The following DLGAP2 variants were observed in gnomAD, a reference collection of about 807,000 sequenced individuals.
DLGAP2 encodes the protein DLG associated protein 2.
Under a neutral mutation model 100.3 loss-of-function variants are expected in DLGAP2, and 26 were observed. The observed-to-expected ratio is 0.26, with a 90% CI of 0.19 to 0.36. The LOEUF (loss-of-function observed/expected upper bound fraction) is 0.36. Among genes scored for constraint, DLGAP2 ranks in the 10% least tolerant of loss-of-function variants. DLGAP2 has a pLI of 1.00. For synonymous variants in DLGAP2, 886 were observed against 630.1 expected (o/e 1.41, Z -6.08); for missense variants, 1,858 against 1,453.2 (o/e 1.28, Z -4.53).
intron 1 of DLGAP2, among the ~76,000 whole-genome samples, chr8:793,979 C>G (rs1238605580): frequency 6.6e-6 from 1 of 152,128 alleles, no homozygotes; most frequent in Non-Finnish European, 1.5e-5. Flanking sequence ...GTCTTTGTCT[C>G]TGAAATCCTT....
At chr8:1,647,343 G>C (rs967077779) in intron 8 of DLGAP2, among the ~76,000 whole-genome samples, 5 of 151,676 alleles carry the variant, frequency 3.3e-5, no homozygotes, top group African/African-American at 9.7e-5. Context: ...CAAAAAATTA[G>C]CCAGGCGTCG....
intron 1 of DLGAP2, among the ~76,000 whole-genome samples, chr8:868,354 C>G (rs184492250): frequency 7.2e-5 from 11 of 152,126 alleles, no homozygotes; most frequent in Non-Finnish European, 1.6e-4. Flanking sequence ...CATGTACTTA[C>G]AAGGTCACCT....
chr8:1,386,363 C>G lies in DLGAP2; in HGVS notation c.107-115003C>G, dbSNP rs75245731. On this transcript the variant is annotated intron_variant, in intron 3 of 14. Coordinates refer to ENST00000637795, the MANE Select transcript of DLGAP2 (RefSeq NM_001346810.2). ...AACATAGGCCGACACCCCTGGAAAA[C>G]TCCCATACACCAGCATTGCCAGGGG... Among the ~76,000 whole-genome samples, 603 of 152,348 alleles carry G rather than the reference C, an allele frequency of 4.0e-3. 11 individuals carry two copies. The East Asian group carries it at 0.051, about 13-fold the overall frequency.
At chr8:1,303,154 T>G (rs1209504874) in intron 3 of DLGAP2, among the ~76,000 whole-genome samples, 1 of 151,944 alleles carries the variant, frequency 6.6e-6, no homozygotes, top group South Asian at 2.1e-4. Flanking sequence ...TCCCAGCACT[T>G]TGGAAGGCCG....
chr8:1,417,692 G>GGGGCACGGGGA (rs1554464154), intron 3 of DLGAP2, among the ~76,000 whole-genome samples: 1,152 of 69,158 alleles, frequency 0.017, 87 homozygotes, highest in Admixed American at 0.026. Context: ...GGGGCACAGG[G>GGGGCACGGGGA]GGCCCCACTC....
intron 8 of DLGAP2, among the ~76,000 whole-genome samples, chr8:1,665,996 A>G (rs527657151): frequency 6.6e-6 from 1 of 152,348 alleles, no homozygotes; most frequent in South Asian, 2.1e-4. Flanking sequence ...GAAAGGCGTC[A>G]TCAGAAGCAA....
At chr8:1,216,614 G>A (rs1798219299) in intron 2 of DLGAP2, among the ~76,000 whole-genome samples, 3 of 151,976 alleles carry the variant, frequency 2.0e-5, no homozygotes, top group African/African-American at 7.2e-5. Flanking sequence ...GAGATTACAG[G>A]CATGAGCTAC....
intron 2 of DLGAP2, among the ~76,000 whole-genome samples, chr8:951,831 A>G (rs533606710): frequency 4.7e-4 from 72 of 152,314 alleles, no homozygotes; most frequent in African/African-American, 1.5e-3. Context: ...TCTCAAATCC[A>G]TGTTTATCTT....
intron 8 of DLGAP2, among the ~76,000 whole-genome samples, chr8:1,641,396 G>C (rs1797894919): frequency 6.6e-6 from 1 of 152,096 alleles, no homozygotes; most frequent in African/African-American, 2.4e-5. Context: ...AAATCCTCCT[G>C]TCTGCGTACT....
chr8:1,313,121 TG>T (rs958816858), intron 3 of DLGAP2, among the ~76,000 whole-genome samples: 5 of 152,188 alleles, frequency 3.3e-5, no homozygotes, highest in African/African-American at 1.2e-4. Context: ...GTTGCCCCTT[TG>T]GGGGGTGACA....
chr8:1,509,017 T>C (rs1345470369), intron 4 of DLGAP2, among the ~76,000 whole-genome samples: 2 of 152,028 alleles, frequency 1.3e-5, no homozygotes, highest in Non-Finnish European at 2.9e-5. Context: ...AATTTTTAAA[T>C]GGAAACAAAA....
chr8:1,115,946 G>C (rs567368687), intron 2 of DLGAP2, among the ~76,000 whole-genome samples: 2 of 152,322 alleles, frequency 1.3e-5, no homozygotes, highest in Admixed American at 1.3e-4. Context: ...TCTTCTAGAA[G>C]GCATGAGAGC....
intron 2 of DLGAP2, among the ~76,000 whole-genome samples, chr8:1,108,914 G>A (rs1386365780): frequency 7.2e-6 from 1 of 139,578 alleles, no homozygotes; most frequent in Non-Finnish European, 1.5e-5. Context: ...CCTATGAAGT[G>A]TGCTGGATCT....
chr8:1,489,291 G>T (rs757014874), intron 3 of DLGAP2, among the ~76,000 whole-genome samples: 1 of 152,186 alleles, frequency 6.6e-6, no homozygotes, highest in Non-Finnish European at 1.5e-5. Context: ...CTTCCTCACT[G>T]TCTGTGAGTC....
chr8:1,177,605 G>C lies in DLGAP2; in HGVS notation c.74-81246G>C, dbSNP rs1797288238. Among the ~76,000 whole-genome samples the C allele has an allele frequency of 1.3e-5, 2 of 152,122 alleles. 1 individual carries two copies. Among genetic ancestry groups the C allele is most frequent in the South Asian group, 4.2e-4 (2 of 4,816 alleles). On this transcript the variant is annotated intron_variant, in intron 2 of 14. Coordinates refer to ENST00000637795, the MANE Select transcript of DLGAP2 (RefSeq NM_001346810.2). The stretch of plus-strand genomic sequence containing the variant: ...TTACATTTCAACCTCAGAGAAAATA[G>C]GCAAAGCCTGTCTTAGTCCATTTGG...
intron 9 of DLGAP2, among the ~76,000 whole-genome samples, chr8:1,669,440 C>T (rs902707023): frequency 1.3e-5 from 2 of 152,240 alleles, no homozygotes; most frequent in Admixed American, 6.5e-5. Flanking sequence ...GGTCAGGTAG[C>T]GCATCCCTCC....
At chr8:1,290,364 C>T (rs1401297195) in intron 3 of DLGAP2, among the ~76,000 whole-genome samples, 1 of 152,180 alleles carries the variant, frequency 6.6e-6, no homozygotes, top group East Asian at 1.9e-4. Context: ...ACAAATGGTG[C>T]CTACATAGTG....
chr8:1,369,217 G>C (rs999089855), intron 3 of DLGAP2: 1 of 152,152 alleles, frequency 6.6e-6, no homozygotes, highest in African/African-American at 2.4e-5. Flanking sequence ...AAATTCCACA[G>C]ATAGTGTGGT....
At chr8:824,309 C>G (rs904716430) in intron 1 of DLGAP2, among the ~76,000 whole-genome samples, 5 of 152,006 alleles carry the variant, frequency 3.3e-5, no homozygotes, top group Non-Finnish European at 7.4e-5. Context: ...CTCCTGGGCT[C>G]AAGCAATGTC....
Sources: gnomAD v4.1 joint callset for allele counts (sites outside exome capture counted in the v4.1 genomes callset) on GRCh38, gnomAD v4.1.1 for gene constraint, MANE v1.5 for transcripts, NCBI Gene and HGNC (gene_info 2026-07-23, HGNC 2026-07-21) for gene names.